The following DTNB variants were observed in gnomAD, a reference collection of about 807,000 sequenced individuals.
DTNB encodes DTN-B.
Under a neutral mutation model 90.7 loss-of-function variants are expected in DTNB, and 63 were observed. The observed-to-expected ratio is 0.69, with a 90% CI of 0.57 to 0.86. The LOEUF (loss-of-function observed/expected upper bound fraction) is 0.86, where lower values mean the gene tolerates loss of function less well. Among genes scored for constraint, DTNB ranks in the 40% least tolerant of loss-of-function variants. The pLI is 0.00. For synonymous variants in DTNB, 277 were observed against 286.7 expected, an observed-to-expected ratio of 0.97 and a Z score of 0.34; for missense variants, 744 against 807.1, an observed-to-expected ratio of 0.92 and a Z score of 0.95.
intron 10 of DTNB, among the ~76,000 whole-genome samples, chr2:25,465,286 G>T (rs1168938314): frequency 6.6e-6 from 1 of 151,616 alleles, no homozygotes; most frequent in African/African-American, 2.4e-5. Flanking sequence ...TGAGGCAGGA[G>T]AATGGGGTGA....
chr2:25,514,681 C>CTTTTT (rs560287104), intron 9 of DTNB, among the ~76,000 whole-genome samples: 21 of 98,856 alleles, frequency 2.1e-4, no homozygotes, highest in South Asian at 3.4e-4. Context: ...TGAAAAAAAT[C>CTTTTT]TTTTTTTTTT....
chr2:25,632,192 C>CAAAA (rs71399307), intron 3 of DTNB, among the ~76,000 whole-genome samples: 173 of 76,298 alleles, frequency 2.3e-3, no homozygotes, highest in South Asian at 4.3e-3. Flanking sequence ...GACTCTGTCT[C>CAAAA]AAAAAAAAAA....
intron 8 of DTNB, among the ~76,000 whole-genome samples, chr2:25,565,825 C>T (rs1181654495): frequency 6.6e-6 from 1 of 151,944 alleles, no homozygotes; most frequent in Non-Finnish European, 1.5e-5. Flanking sequence ...GCTAATATTA[C>T]TTTTTTTAAA....
rs755503788 is a variant in DTNB, at chr2:25,576,896, C to A, written c.818G>T (p.Arg273Leu). ...NYQLCQNCFW[R>L]GHAGGPHSNQ... is the part of the protein sequence containing the mutation. ...GCTGTGAGGGCCGCCGGCATGGCCA[C>A]GCCAAAAGCAATTCTGGCAGAGCTG... Residue 273 changes from arginine (R) to leucine (L), a missense_variant, in exon 8 of 21, where the codon CGT (arginine) becomes CTT (leucine). Transcript: ENST00000406818. The A allele has an allele frequency of 6.2e-7, 1 of 1,613,258 alleles. No homozygotes were observed. Among genetic ancestry groups the A allele is most frequent in the East Asian group, 2.2e-5 (1 of 44,880 alleles).
chr2:25,466,989 A>C (rs1441057131), intron 10 of DTNB, among the ~76,000 whole-genome samples: 1 of 152,182 alleles, frequency 6.6e-6, no homozygotes, highest in East Asian at 1.9e-4. Context: ...TTGGTAGGAC[A>C]ATTATTTACT....
chr2:25,541,343 G>T (rs575205101), intron 8 of DTNB, among the ~76,000 whole-genome samples: 1 of 152,086 alleles, frequency 6.6e-6, no homozygotes, highest in East Asian at 1.9e-4. Context: ...AGCTGGGCGT[G>T]GTGGTGGGCG....
chr2:25,408,538 C>CAAAAAAAAAAA (rs11395783), intron 16 of DTNB, among the ~76,000 whole-genome samples: 1 of 32,734 alleles, frequency 3.1e-5, no homozygotes, highest in African/African-American at 9.4e-5. Context: ...GACTCCATCT[C>CAAAAAAAAAAA]AAAAAAAAAA....
At chr2:25,612,119 CA>C (rs1310102058) in intron 4 of DTNB, among the ~76,000 whole-genome samples, 1 of 152,066 alleles carries the variant, frequency 6.6e-6, no homozygotes, top group South Asian at 2.1e-4. Context: ...TCATTTTTTG[CA>C]GCATGTTTCT....
chr2:25,412,653 GAGATC>G (rs2149736651), intron 16 of DTNB, among the ~76,000 whole-genome samples: 1 of 152,284 alleles, frequency 6.6e-6, no homozygotes, highest in African/African-American at 2.4e-5. Context: ...TCTAATAGGA[GAGATC>G]AGATAAATGT....
chr2:25,445,062 C>A (rs578111706), intron 12 of DTNB, among the ~76,000 whole-genome samples: 8 of 152,286 alleles, frequency 5.3e-5, no homozygotes, highest in Non-Finnish European at 1.0e-4. Context: ...ATCTTGTTTG[C>A]AGTAAGGGAG....
intron 9 of DTNB, among the ~76,000 whole-genome samples, chr2:25,491,126 G>C (rs184528520): frequency 8.4e-5 from 10 of 118,582 alleles, no homozygotes; most frequent in African/African-American, 3.0e-4. Flanking sequence ...GAGAAGGGAA[G>C]TGTTATATGA....
At chr2:25,429,055 A>G (rs775791231) in intron 14 of DTNB, among the ~76,000 whole-genome samples, 1 of 152,212 alleles carries the variant, frequency 6.6e-6, no homozygotes, top group Non-Finnish European at 1.5e-5. Flanking sequence ...CTATCACAGC[A>G]GCCGCTAGCC....
intron 12 of DTNB, among the ~76,000 whole-genome samples, chr2:25,443,880 G>A (rs1037719201): frequency 1.3e-5 from 2 of 152,194 alleles, no homozygotes; most frequent in Admixed American, 1.3e-4. Context: ...ACATGTGTGC[G>A]AAACATCATA....
intron 12 of DTNB, among the ~76,000 whole-genome samples, chr2:25,445,798 A>G (rs1224488965): frequency 6.6e-6 from 1 of 152,140 alleles, no homozygotes; most frequent in African/African-American, 2.4e-5. Flanking sequence ...CACTCTTTGC[A>G]TCTAGGTTTA....
intron 8 of DTNB, among the ~76,000 whole-genome samples, chr2:25,553,765 C>G (rs12613797): frequency 1.4e-5 from 2 of 141,174 alleles, no homozygotes; most frequent in Admixed American, 7.1e-5. Flanking sequence ...AAAAAAAAGG[C>G]TAGGTAGAAT....
rs745988572 is a variant in DTNB, at chr2:25,531,476, A to G, written c.998T>C (p.Ile333Thr). The G allele has an allele frequency of 3.7e-6, 6 of 1,613,688 alleles. No individual in the cohort carries two copies. Among genetic ancestry groups the G allele is most frequent in the Admixed American group, 3.3e-5 (2 of 59,912 alleles). The change falls in exon 9 of 21, where the codon ATA becomes ACA. Residue 333 changes from isoleucine to threonine, a missense_variant. Ile to Thr is a moderately conservative substitution (Grantham distance 89). Coordinates refer to ENST00000406818, the MANE Select transcript of DTNB (RefSeq NM_021907.5). Reference protein sequence around the residue: ...QPEKPLDLAHIVPPRPLTNMN... With the variant: ...QPEKPLDLAHTVPPRPLTNMN... ...GCACATCCAGGGGTATACTTACACT[A>G]TATGTGCAAGGTCAAGTGGTTTCTC...
At chr2:25,442,250 C>A (rs908318972) in intron 12 of DTNB, among the ~76,000 whole-genome samples, 1 of 152,222 alleles carries the variant, frequency 6.6e-6, no homozygotes, top group Non-Finnish European at 1.5e-5. Context: ...AAATTATTGC[C>A]TTGTGCACTC....
intron 8 of DTNB, among the ~76,000 whole-genome samples, chr2:25,537,597 A>G (rs1361689180): frequency 1.3e-5 from 2 of 152,246 alleles, no homozygotes; most frequent in African/African-American, 4.8e-5. Context: ...TAGGTTGTCT[A>G]AACACATGAA....
At chr2:25,494,829 T>C (rs2068426344) in intron 9 of DTNB, among the ~76,000 whole-genome samples, 1 of 151,634 alleles carries the variant, frequency 6.6e-6, no homozygotes, top group African/African-American at 2.4e-5. Context: ...GGCCCCATGC[T>C]ATGACTGGTA....
Sources: allele counts gnomAD v4.1 joint callset (sites outside exome capture counted in the v4.1 genomes callset), GRCh38; gene constraint gnomAD v4.1.1; transcripts MANE v1.5; gene names NCBI Gene and HGNC (gene_info 2026-07-23, HGNC 2026-07-21).